Variants in UGGT2 observed in about 807,000 individuals in gnomAD.
UGGT2 encodes the protein UDP-glucose:glycoprotein glucosyltransferase 2.
UGGT2 carries 180 observed loss-of-function variants against 192.1 expected under a neutral mutation model. The observed-to-expected ratio is 0.94, with a 90% CI of 0.83 to 1.06. UGGT2 has a LOEUF of 1.06. Among genes scored for constraint, UGGT2 ranks in the 50% least tolerant of loss-of-function variants. The probability of loss-of-function intolerance (pLI) is 0.00; values close to 1 mark genes in which losing one functional copy is unlikely to be tolerated. For missense variants in UGGT2, 1,849 were observed against 1,795.7 expected (o/e 1.03, Z -0.54); for synonymous variants, 580 against 591.0 (o/e 0.98, Z 0.27).
intron 4 of UGGT2, among the ~76,000 whole-genome samples, chr13:96,015,224 G>A (rs566474017): frequency 8.0e-5 from 12 of 150,122 alleles, no homozygotes; most frequent in Non-Finnish European, 1.3e-4. Context: ...CTTGCAGTGA[G>A]CCGAGATCGC....
At chr13:95,807,229 G>C (rs1371328373) in intron 38 of UGGT2, among the ~76,000 whole-genome samples, 1 of 152,078 alleles carries the variant, frequency 6.6e-6, no homozygotes, top group Non-Finnish European at 1.5e-5. Flanking sequence ...AAGTGCAAGT[G>C]GGTCATCAGA....
intron 37 of UGGT2, among the ~76,000 whole-genome samples, chr13:95,836,401 A>AG (rs1887292977): frequency 6.6e-6 from 1 of 152,140 alleles, no homozygotes; most frequent in Admixed American, 6.5e-5. Context: ...TAATACAGAA[A>AG]GCCTGAAATT....
chr13:95,882,778 CT>C (rs2047530686), intron 27 of UGGT2, among the ~76,000 whole-genome samples: 3 of 152,182 alleles, frequency 2.0e-5, no homozygotes, highest in Admixed American at 2.0e-4. Flanking sequence ...TGAATAGCTG[CT>C]GAAATTTTCA....
intron 38 of UGGT2, among the ~76,000 whole-genome samples, chr13:95,831,363 A>T (rs867318517): frequency 6.6e-6 from 1 of 152,030 alleles, no homozygotes; most frequent in African/African-American, 2.4e-5. Flanking sequence ...CAGACCTATG[A>T]TTTTTCTTTA....
intron 17 of UGGT2, among the ~76,000 whole-genome samples, chr13:95,931,682 C>T (rs1477134695): frequency 2.6e-5 from 4 of 152,076 alleles, no homozygotes; most frequent in African/African-American, 7.2e-5. Flanking sequence ...GCTGCTGGCC[C>T]GGGTGCTACG....
At chr13:95,850,537 A>G (rs1447901346) in intron 36 of UGGT2, among the ~76,000 whole-genome samples, 7 of 152,206 alleles carry the variant, frequency 4.6e-5, no homozygotes, top group African/African-American at 1.7e-4. Flanking sequence ...GGCTACTCCA[A>G]TGACACAATG....
chr13:95,937,650 A>C (rs1277666050), intron 16 of UGGT2, among the ~76,000 whole-genome samples: 4 of 152,328 alleles, frequency 2.6e-5, no homozygotes, highest in African/African-American at 9.6e-5. Context: ...AGGCATGTAG[A>C]AGACTCTATG....
At chr13:95,922,438 A>G (rs1194828851) in intron 20 of UGGT2, among the ~76,000 whole-genome samples, 1 of 136,146 alleles carries the variant, frequency 7.3e-6, no homozygotes, top group African/African-American at 2.5e-5. Flanking sequence ...AAATCTCCAC[A>G]TGTACCCCTG....
At position 95,940,008 on chromosome 13, in the gene UGGT2, A is replaced by T. The variant is rs1393240532; in HGVS notation, c.1761T>A (p.Ala587=). 1 of 1,601,758 alleles carries T rather than the reference A, an allele frequency of 6.2e-7. No homozygotes were observed. The highest frequency in any genetic ancestry group is 1.7e-5 in the Admixed American group (1 of 57,414). Residue 587 remains alanine (A), a synonymous_variant, in exon 16 of 39, where the codon GCT becomes GCA. Coordinates refer to ENST00000376747, the MANE Select transcript of UGGT2 (RefSeq NM_020121.4). The part of the protein sequence containing the change: ...KSVLQNTFPH[A]NIWDILGIHS... ...GAATTCCCAAAATATCCCAAATATTAGCATGAGGAAATGTATTTTGGAGAA... is the reference window on the plus strand; with the variant it reads ...GAATTCCCAAAATATCCCAAATATTTGCATGAGGAAATGTATTTTGGAGAA...
At chr13:95,911,175 G>A (rs2048482534) in intron 20 of UGGT2, among the ~76,000 whole-genome samples, 2 of 152,118 alleles carry the variant, frequency 1.3e-5, no homozygotes, top group Admixed American at 6.5e-5. Flanking sequence ...ACAACTGAAA[G>A]AACTAGAGAA....
intron 28 of UGGT2, 147 bp downstream of exon 28, chr13:95,877,551 T>G: frequency 9.2e-7 from 1 of 1,086,142 alleles, no homozygotes; most frequent in Non-Finnish European, 1.3e-6. Context: ...TTTTCCCCAT[T>G]TTTTATTTAT....
At chr13:96,038,254 T>G (rs1042736704) in intron 1 of UGGT2, among the ~76,000 whole-genome samples, 1 of 152,202 alleles carries the variant, frequency 6.6e-6, no homozygotes, top group African/African-American at 2.4e-5. Flanking sequence ...CTTGGCAAAA[T>G]AAACATGAAT....
At chr13:96,023,891 A>G in intron 2 of UGGT2, 132 bp from the exon 3 acceptor site, 1 of 679,110 alleles carries the variant, frequency 1.5e-6, no homozygotes, top group Non-Finnish European at 2.1e-6. Context: ...TGCTAGAGAA[A>G]AATGGAAAAA....
intron 8 of UGGT2, among the ~76,000 whole-genome samples, chr13:95,989,755 C>T (rs909909507): frequency 2.0e-5 from 3 of 152,044 alleles, no homozygotes; most frequent in African/African-American, 7.2e-5. Flanking sequence ...TGAATAACCT[C>T]ACTTCATATA....
chr13:96,039,468 G>A (rs2053102582), intron 1 of UGGT2, among the ~76,000 whole-genome samples: 1 of 152,092 alleles, frequency 6.6e-6, no homozygotes, highest in African/African-American at 2.4e-5. Context: ...GGGGACCCAT[G>A]AATCACATGC....
chr13:95,877,803 T>A lies in UGGT2; in HGVS notation c.3282A>T (p.Gly1094=), dbSNP rs764833893. ...GTTCTGTCACTTTATCAAAGCATTG[T>A]CCTTCCAGTAGTAAGTATTCTAGTT... is the stretch of plus-strand genomic sequence containing the variant. ...EYELEYLLLE[G]QCFDKVTEQP... is the part of the protein sequence containing the mutation. The change falls in exon 28 of 39, where the codon GGA becomes GGT. Residue 1094 remains glycine, a synonymous_variant. Coordinates refer to ENST00000376747, the MANE Select transcript of UGGT2 (RefSeq NM_020121.4). 6.2e-7 allele frequency: 1 copy of A among 1,614,060 alleles called. No homozygotes were observed. Among genetic ancestry groups the A allele is most frequent in the South Asian group, 1.1e-5 (1 of 91,078 alleles).
chr13:95,972,759 A>C, intron 10 of UGGT2, 88 bp from the exon 11 acceptor site: 1 of 993,178 alleles, frequency 1.0e-6, no homozygotes, highest in Non-Finnish European at 1.5e-6. Context: ...ATAAAGAGTC[A>C]GAGAGTAAAT....
intron 27 of UGGT2, among the ~76,000 whole-genome samples, chr13:95,884,084 A>AAAAAAAAAAAAAAC: frequency 7.6e-6 from 1 of 132,012 alleles, no homozygotes; most frequent in Non-Finnish European, 1.6e-5. Context: ...AAAAAAAAAA[A>AAAAAAAAAAAAAAC]AACCAACAAC....
At chr13:95,985,392 G>C in intron 9 of UGGT2, 1 of 592,220 alleles carries the variant, frequency 1.7e-6, no homozygotes, top group Non-Finnish European at 2.6e-6. Context: ...AAAATCCTTG[G>C]TATCTTGTAG....
Sources: allele counts gnomAD v4.1 joint callset (sites outside exome capture counted in the v4.1 genomes callset), GRCh38; gene constraint gnomAD v4.1.1; transcripts MANE v1.5; gene names NCBI Gene and HGNC (gene_info 2026-07-23, HGNC 2026-07-21).